TGM2: variants seen among roughly 807,000 people sequenced by gnomAD.
The protein encoded by TGM2 is protein-glutamine gamma-glutamyltransferase 2.
A neutral mutation model predicts 75.6 loss-of-function variants in TGM2; 53 were observed. The ratio of observed to expected loss-of-function variants is 0.70; its 90% CI spans 0.56 to 0.88. The LOEUF is 0.88. TGM2 is among the 40% of genes least tolerant of loss of function. TGM2 has a pLI of 0.00. For missense variants in TGM2, 842 were observed against 928.5 expected, an observed-to-expected ratio of 0.91 and a Z score of 1.21; for synonymous variants, 374 against 381.1, an observed-to-expected ratio of 0.98 and a Z score of 0.22.
chr20:38,165,313 C>A (rs990915166), upstream of TGM2: 43 of 1,519,678 alleles, frequency 2.8e-5, 1 homozygote, highest in Non-Finnish European at 3.7e-5. Flanking sequence ...CGCTTTGGGG[C>A]GGGCCGGGGG....
intron 3 of TGM2, among the ~76,000 whole-genome samples, chr20:38,151,541 A>T (rs1206967398): frequency 6.6e-6 from 1 of 152,216 alleles, no homozygotes; most frequent in Non-Finnish European, 1.5e-5. Context: ...TCACTGTGTC[A>T]GCCCAAAATG....
chr20:38,160,691 G>A (rs946764609), intron 2 of TGM2, among the ~76,000 whole-genome samples: 1 of 152,186 alleles, frequency 6.6e-6, no homozygotes, highest in African/African-American at 2.4e-5. Context: ...CTGCCCACAT[G>A]GAAGGCTGAA....
chr20:38,150,739 C>T (rs1357660316), intron 4 of TGM2, among the ~76,000 whole-genome samples, 200 bp downstream of exon 4: 2 of 152,246 alleles, frequency 1.3e-5, no homozygotes, highest in Non-Finnish European at 2.9e-5. Context: ...TCCAAGGCTG[C>T]CGCCTTTGCT....
In TGM2 at chr20:38,130,024, A is replaced by C. The variant is rs1356060818; in HGVS notation, c.*195T>G. 3 of 684,178 alleles carry C rather than the reference A, an allele frequency of 4.4e-6. No homozygotes were observed. Among genetic ancestry groups the C allele is most frequent in the Non-Finnish European group, 4.9e-6 (2 of 409,682 alleles). 42.4% of individuals were successfully genotyped at this position (684,178 alleles called of 1,614,324 possible). ...CTGGCACAGAGCATTCCTCACAGCA[A>C]AGGGGGTGAGTGGGGACCCACAGGC... On this transcript the variant is annotated 3_prime_UTR_variant, in exon 13 of 13. Coordinates refer to ENST00000361475, the MANE Select transcript of TGM2 (RefSeq NM_004613.4).
At chr20:38,154,066 C>A (rs1436137977) in intron 3 of TGM2, among the ~76,000 whole-genome samples, 2 of 152,172 alleles carry the variant, frequency 1.3e-5, no homozygotes, top group Non-Finnish European at 2.9e-5. Flanking sequence ...GATCCCCCTG[C>A]CTCAGCCTCT....
intron 3 of TGM2, among the ~76,000 whole-genome samples, chr20:38,153,048 G>T (rs1411157536): frequency 8.2e-6 from 1 of 121,658 alleles, no homozygotes; most frequent in Non-Finnish European, 1.7e-5. Flanking sequence ...CGGGGGGGGG[G>T]ATCCAGTAAG....
chr20:38,148,239 G>A, intron 4 of TGM2, 150 bp from the exon 5 acceptor site: 1 of 1,009,118 alleles, frequency 9.9e-7, no homozygotes, highest in Non-Finnish European at 1.5e-6. Flanking sequence ...CTCTCTGGTG[G>A]CAGCTTCTCT....
rs148351771 is a variant in TGM2 at position 38,155,953 on chromosome 20, G to A, written c.327C>T (p.Asn109=). The A allele has an allele frequency of 1.7e-5, 28 of 1,612,668 alleles. No individual in the cohort carries two copies. The African/African-American group carries it at 2.3e-4, about 13-fold the overall frequency. ...TLSLQLTTPA[N]APIGLYRLSL... ...TGAGGCGATACAGGCCGATGGGGGC[G>A]TTGGCCGGGGTGGTGAGCTGCAGCG... Residue 109 remains asparagine, a synonymous_variant, in exon 3 of 13, where the codon AAC becomes AAT. Coordinates refer to ENST00000361475, the MANE Select transcript of TGM2 (RefSeq NM_004613.4).
Position 38,127,533 on chromosome 20 carries a change from C to A in TGM2, c.*2686G>T. On this transcript the variant is annotated 3_prime_UTR_variant, in exon 13 of 13. Transcript: ENST00000361475. ...GATGGTGGGGAATGAGATGAATGAC[C>A]AAGTCTGCACATCCACGGAATCGCA... 5.1e-6 allele frequency: 1 copy of A among 197,834 alleles called. No individual in the cohort carries two copies. Among genetic ancestry groups the A allele is most frequent in the Non-Finnish European group, 9.1e-6 (1 of 109,872 alleles). 12.3% of individuals were successfully genotyped at this position (197,834 alleles called of 1,614,324 possible).
At chr20:38,132,987 C>T (rs966481288) in intron 10 of TGM2, 2 of 390,634 alleles carry the variant, frequency 5.1e-6, no homozygotes, top group South Asian at 3.7e-5. Flanking sequence ...CGGGCTCCTA[C>T]TTCACCTACA....
At chr20:38,148,870 T>G (rs1380503083) in intron 4 of TGM2, among the ~76,000 whole-genome samples, 1 of 152,180 alleles carries the variant, frequency 6.6e-6, no homozygotes, top group African/African-American at 2.4e-5. Context: ...CACCTTCCAC[T>G]GGACCACCCA....
chr20:38,149,990 T>C (rs1182896800), intron 4 of TGM2, among the ~76,000 whole-genome samples: 1 of 152,130 alleles, frequency 6.6e-6, no homozygotes, highest in Non-Finnish European at 1.5e-5. Flanking sequence ...TCATTGAACA[T>C]TGAAACCTGA....
chr20:38,130,138 A>C lies in TGM2; in HGVS notation c.*81T>G, dbSNP rs1568679476. 1.9e-6 allele frequency: 3 copies of C among 1,580,588 alleles called. No individual in the cohort carries two copies. The African/African-American group carries it at 4.0e-5, about 21-fold the overall frequency. On this transcript the variant is annotated 3_prime_UTR_variant, in exon 13 of 13. Transcript: ENST00000361475. ...CTGCCCTGGGGTCTGGGGCCCAAGA[A>C]GGGGCATATTTTGCTCACTAGCTTG...
chr20:38,150,803 C>T (rs747416243), intron 4 of TGM2, 136 bp downstream of exon 4: 12 of 797,030 alleles, frequency 1.5e-5, no homozygotes, highest in Non-Finnish European at 2.7e-5. Flanking sequence ...GTTTCAGGGC[C>T]TTTGCATCCC....
rs749547512 is a variant in TGM2 at position 38,146,775 on chromosome 20, G to T, written c.801C>A (p.His267Gln). The change falls in exon 6 of 13, where the codon CAC becomes CAA. Residue 267 changes from histidine to glutamine, a missense_variant. Transcript: ENST00000361475. ...SVDILRRWKN[H>Q]GCQRVKYGQC... ...GGCCATACTTGACGCGCTGGCAGCC[G>T]TGGTTCTTCCAGCGCCGCAGGATGT... 1 of 1,613,860 alleles carries T rather than the reference G, an allele frequency of 6.2e-7. No individual in the cohort carries two copies. The highest frequency in any genetic ancestry group is 8.5e-7 in the Non-Finnish European group (1 of 1,179,970).
chr20:38,153,418 G>A (rs1341998728), intron 3 of TGM2, among the ~76,000 whole-genome samples: 5 of 151,488 alleles, frequency 3.3e-5, no homozygotes, highest in East Asian at 1.9e-4. Flanking sequence ...CCAGGTACTC[G>A]GGAGGCTGAG....
chr20:38,142,179 G>T lies in TGM2; in HGVS notation c.880C>A (p.Pro294Thr). The stretch of plus-strand genomic sequence containing the variant: ...TTGTAGTTGGTCACGACGCGGGTAG[G>T]GATGCCCAGGCACCTCAGCACTGTT... ...ACTVLRCLGIPTRVVTNYNSA... is the reference protein window; with the variant it reads ...ACTVLRCLGITTRVVTNYNSA... The change falls in exon 7 of 13, where the codon CCT (proline) becomes ACT (threonine). Residue 294 changes from proline to threonine, a missense_variant. Coordinates refer to ENST00000361475, the MANE Select transcript of TGM2 (RefSeq NM_004613.4). 1 of 1,614,198 alleles carries T rather than the reference G, an allele frequency of 6.2e-7. No homozygotes were observed. The highest frequency in any genetic ancestry group is 8.5e-7 in the Non-Finnish European group (1 of 1,180,040).
chr20:38,139,750 C>T, intron 8 of TGM2, 96 bp from the exon 9 acceptor site: 16 of 1,521,682 alleles, frequency 1.1e-5, no homozygotes, highest in Non-Finnish European at 1.3e-5. Flanking sequence ...AGCCAAAAAC[C>T]TCAAGACCAC....
At chr20:38,136,958 T>C (rs1203264408) in intron 10 of TGM2, among the ~76,000 whole-genome samples, 1 of 152,178 alleles carries the variant, frequency 6.6e-6, no homozygotes, top group Non-Finnish European at 1.5e-5. Flanking sequence ...TGACAAAGTC[T>C]TGGCTCGGGG....
Sources: gnomAD v4.1 joint callset for allele counts (sites outside exome capture counted in the v4.1 genomes callset) on GRCh38, gnomAD v4.1.1 for gene constraint, MANE v1.5 for transcripts, NCBI Gene and HGNC (gene_info 2026-07-23, HGNC 2026-07-21) for gene names.